NOS1: variants seen among roughly 807,000 people sequenced by gnomAD.
NOS1 encodes nitric oxide synthase 1, also known as NOS type I.
NOS1 carries 51 observed loss-of-function variants against 164.5 expected under a neutral mutation model. That is an observed-to-expected ratio of 0.31 (90% CI 0.25 to 0.39). The LOEUF (loss-of-function observed/expected upper bound fraction) is 0.39, where lower values mean the gene tolerates loss of function less well. NOS1 is among the 10% of genes least tolerant of loss of function. The probability of loss-of-function intolerance (pLI) is 1.00; values close to 1 mark genes in which losing one functional copy is unlikely to be tolerated. For missense variants in NOS1, 1,362 were observed against 1,885.6 expected (o/e 0.72, Z 5.14); for synonymous variants, 719 against 745.8 (o/e 0.96, Z 0.59).
chr12:117,216,859 A>G (rs955923209), intron 28 of NOS1, among the ~76,000 whole-genome samples: 3 of 152,166 alleles, frequency 2.0e-5, no homozygotes, highest in African/African-American at 7.2e-5. Context: ...TATGTTTTAG[A>G]GACTGCTGTG....
Position 117,210,610 on chromosome 12 carries a change from C to T in NOS1, c.*4699G>A, listed in dbSNP as rs1172366493. ...TGCTGTCGGAGTGAAGGGGCTCAGG[C>T]ATCTGGATTGCCCATCCTATTAGGA... On this transcript the variant is annotated 3_prime_UTR_variant, in exon 29 of 29. Transcript: ENST00000317775. 2.0e-6 allele frequency: 2 copies of T among 985,402 alleles called. No individual in the cohort carries two copies. Among genetic ancestry groups the T allele is most frequent in the Admixed American group, 6.1e-5 (1 of 16,264 alleles). 61.0% of individuals were successfully genotyped at this position (985,402 alleles called of 1,614,324 possible). A position where few individuals can be genotyped will look rare whatever the true frequency, so the allele number is the denominator to read the frequency against.
intron 28 of NOS1, among the ~76,000 whole-genome samples, chr12:117,216,667 C>T (rs1956616338): frequency 6.6e-6 from 1 of 151,982 alleles, no homozygotes; most frequent in Non-Finnish European, 1.5e-5. Context: ...TTTGTAGAGA[C>T]AGGGTCTCCT....
At chr12:117,319,520 G>A (rs1394407950) in intron 2 of NOS1, among the ~76,000 whole-genome samples, 1 of 152,210 alleles carries the variant, frequency 6.6e-6, no homozygotes. Context: ...AGGTCAATGT[G>A]TGGACTGGGC....
chr12:117,269,614 C>T (rs12815242), intron 10 of NOS1, among the ~76,000 whole-genome samples: 18,616 of 151,804 alleles, frequency 0.12, 1,579 homozygotes, highest in Non-Finnish European at 0.18. Context: ...ACTACAGGTG[C>T]ACACCATCAT....
At chr12:117,292,372 T>C (rs950817131) in intron 3 of NOS1, among the ~76,000 whole-genome samples, 2 of 151,980 alleles carry the variant, frequency 1.3e-5, no homozygotes. Context: ...AGTGTATGCA[T>C]GAGGGCAAGT....
intron 3 of NOS1, among the ~76,000 whole-genome samples, chr12:117,305,612 G>C (rs1320936536): frequency 2.0e-5 from 3 of 152,084 alleles, no homozygotes. Flanking sequence ...CATTTCTGAA[G>C]CCTGTGCCTA....
Position 117,212,234 on chromosome 12 carries a change from G to T in NOS1, c.*3075C>A, listed in dbSNP as rs1956540393. 3 of 985,264 alleles carry T rather than the reference G, an allele frequency of 3.0e-6. No individual in the cohort carries two copies. The highest frequency in any genetic ancestry group is 3.6e-6 in the Non-Finnish European group (3 of 829,892). The allele number at this position is 985,264 out of a possible 1,614,324, so 61.0% of individuals were successfully genotyped here. A position where few individuals can be genotyped will look rare whatever the true frequency, so the allele number is the denominator to read the frequency against. On this transcript the variant is annotated 3_prime_UTR_variant, in exon 29 of 29. Transcript: ENST00000317775. Reference sequence around the variant, plus strand: ...AGGTACTGTAACTGGGCATTTCGTGGGCATTGTCTCATTCAATCCACCTTG... The same window carrying T: ...AGGTACTGTAACTGGGCATTTCGTGTGCATTGTCTCATTCAATCCACCTTG...
chr12:117,339,964 C>T (rs1014760107), intron 1 of NOS1, among the ~76,000 whole-genome samples: 6 of 152,122 alleles, frequency 3.9e-5, no homozygotes, highest in Non-Finnish European at 8.8e-5. Context: ...GGGAAGGAAG[C>T]TTACTTTTTA....
intron 2 of NOS1, among the ~76,000 whole-genome samples, chr12:117,325,955 T>A (rs1455269876): frequency 6.6e-6 from 1 of 152,240 alleles, no homozygotes; most frequent in Non-Finnish European, 1.5e-5. Context: ...GGCATTATAT[T>A]AGATTTTAAA....
At chr12:117,322,077 CCT>C (rs1250746249) in intron 2 of NOS1, among the ~76,000 whole-genome samples, 2 of 132,816 alleles carry the variant, frequency 1.5e-5, no homozygotes, top group East Asian at 5.0e-4. Flanking sequence ...TCCCTCCCTC[CCT>C]TTCTCTCTTC....
chr12:117,288,290 G>A, intron 4 of NOS1, 71 bp from the exon 5 acceptor site: 1 of 1,466,298 alleles, frequency 6.8e-7, no homozygotes, highest in Non-Finnish European at 9.3e-7. Flanking sequence ...CTGTGGGCTT[G>A]GATCTCGTAC....
At chr12:117,305,042 C>G in intron 3 of NOS1, 1 of 985,416 alleles carries the variant, frequency 1.0e-6, no homozygotes, top group Non-Finnish European at 1.2e-6. Flanking sequence ...ATTTCTCAAC[C>G]CCCACCTATC....
At chr12:117,232,747 C>A (rs1435952886) in intron 21 of NOS1, among the ~76,000 whole-genome samples, 1 of 152,218 alleles carries the variant, frequency 6.6e-6, no homozygotes, top group African/African-American at 2.4e-5. Context: ...CCTCTATACA[C>A]TCTTCATCCA....
At chr12:117,231,836 G>A (rs1869261100) in intron 22 of NOS1, 126 bp downstream of exon 22, 1 of 1,043,350 alleles carries the variant, frequency 9.6e-7, no homozygotes. Context: ...GCAATCTACA[G>A]CAAATAATGG....
At chr12:117,267,055 T>C (rs2135990106) in intron 11 of NOS1, among the ~76,000 whole-genome samples, 1 of 152,344 alleles carries the variant, frequency 6.6e-6, no homozygotes, top group Non-Finnish European at 1.5e-5. Flanking sequence ...TGGGGACCTA[T>C]GGCTTCTATT....
intron 24 of NOS1, among the ~76,000 whole-genome samples, chr12:117,225,379 A>C (rs925086178): frequency 6.6e-6 from 1 of 152,128 alleles, no homozygotes; most frequent in Non-Finnish European, 1.5e-5. Context: ...TGCTGAGCTC[A>C]GCAAATTCAA....
intron 2 of NOS1, among the ~76,000 whole-genome samples, chr12:117,322,084 C>G (rs567094015): frequency 2.1e-4 from 26 of 125,250 alleles, no homozygotes; most frequent in Non-Finnish European, 4.1e-4. Flanking sequence ...CTCCCTTTCT[C>G]TCTTCTTCCT....
intron 1 of NOS1, among the ~76,000 whole-genome samples, chr12:117,340,603 C>T (rs927402144): frequency 1.6e-4 from 24 of 152,168 alleles, no homozygotes; most frequent in Admixed American, 1.1e-3. Context: ...AATCTCGGCT[C>T]GCTGCAACCT....
chr12:117,226,171 T>G (rs975556147), intron 24 of NOS1, among the ~76,000 whole-genome samples: 1 of 152,188 alleles, frequency 6.6e-6, no homozygotes, highest in Non-Finnish European at 1.5e-5. Context: ...GAAAAATGAT[T>G]GGCCAAAGTC....
Sources: allele counts gnomAD v4.1 joint callset (sites outside exome capture counted in the v4.1 genomes callset), GRCh38; gene constraint gnomAD v4.1.1; transcripts MANE v1.5; gene names NCBI Gene and HGNC (gene_info 2026-07-23, HGNC 2026-07-21).